INTS4: variants seen among roughly 807,000 people sequenced by gnomAD.
INTS4 encodes the protein MSTP093.
INTS4 carries 70 observed loss-of-function variants against 119.5 expected under a neutral mutation model. The ratio of observed to expected loss-of-function variants is 0.59; its 90% CI spans 0.48 to 0.71. The LOEUF (loss-of-function observed/expected upper bound fraction) is 0.71, where lower values mean the gene tolerates loss of function less well. Among genes scored for constraint, INTS4 ranks in the 30% least tolerant of loss-of-function variants. The pLI is 0.00. For missense variants in INTS4, 867 were observed against 1,173.2 expected, an observed-to-expected ratio of 0.74 and a Z score of 3.81; for synonymous variants, 316 against 419.6, an observed-to-expected ratio of 0.75 and a Z score of 3.02.
At chr11:77,982,249 C>T (rs1206035676) in intron 2 of INTS4, among the ~76,000 whole-genome samples, 1 of 151,560 alleles carries the variant, frequency 6.6e-6, no homozygotes, top group Middle Eastern at 3.2e-3. Flanking sequence ...GAACCTCCAA[C>T]CTCAGCCTCC....
In INTS4 at chr11:77,977,171, T is replaced by C. The variant is rs536415936; in HGVS notation, c.471+1825A>G. Among the ~76,000 whole-genome samples the C allele has an allele frequency of 3.9e-5, 6 of 152,288 alleles. No individual in the cohort carries two copies. The South Asian group carries it at 1.2e-3, about 32-fold the overall frequency. On this transcript the variant is annotated intron_variant, in intron 4 of 22. Coordinates refer to ENST00000534064, the MANE Select transcript of INTS4 (RefSeq NM_033547.4). ...TAATTTAGTAATTCTATTTTGATAG[T>C]CTGTGTTTCAGAAATAATTTTAAAT... is the stretch of plus-strand genomic sequence containing the variant.
intron 15 of INTS4, among the ~76,000 whole-genome samples, chr11:77,910,291 T>C (rs1239826493): frequency 2.0e-5 from 3 of 151,642 alleles, no homozygotes; most frequent in African/African-American, 4.9e-5. Flanking sequence ...ATGTCCTTTG[T>C]AGGGACATGG....
At chr11:77,923,070 A>T (rs1414922609) in intron 12 of INTS4, among the ~76,000 whole-genome samples, 1 of 152,202 alleles carries the variant, frequency 6.6e-6, no homozygotes, top group Non-Finnish European at 1.5e-5. Flanking sequence ...CTATAATCCC[A>T]ACACTTTGCG....
At chr11:77,876,305 A>C (rs1951592687), downstream of INTS4, among the ~76,000 whole-genome samples, 1 of 152,052 alleles carries the variant, frequency 6.6e-6, no homozygotes, top group Non-Finnish European at 1.5e-5. Context: ...TAGCTTCACC[A>C]CTAACTCAGT....
In INTS4 at chr11:77,921,322, C is replaced by A. The variant is rs1193544944; in HGVS notation, c.1764+18G>T. 3 of 1,609,474 alleles carry A rather than the reference C, an allele frequency of 1.9e-6. No homozygotes were observed. The highest frequency in any genetic ancestry group is 2.7e-5 in the African/African-American group (2 of 74,700). The stretch of plus-strand genomic sequence containing the variant: ...CCATGCAAAATAAAAACAAGGACAA[C>A]AGATGTTTTCAACATACCCTCAAGG... On this transcript the variant is annotated intron_variant, in intron 14 of 22. Coordinates refer to ENST00000534064, the MANE Select transcript of INTS4 (RefSeq NM_033547.4).
chr11:77,983,680 AG>A (rs1856332309), intron 2 of INTS4, among the ~76,000 whole-genome samples: 1 of 152,152 alleles, frequency 6.6e-6, no homozygotes, highest in African/African-American at 2.4e-5. Flanking sequence ...ACAGAAAACA[AG>A]TGTTGGCGAG....
At chr11:77,881,708 C>T (rs1178406740) in intron 22 of INTS4, among the ~76,000 whole-genome samples, 1 of 152,186 alleles carries the variant, frequency 6.6e-6, no homozygotes, top group African/African-American at 2.4e-5. Flanking sequence ...GCTACTAAAA[C>T]AATGGAGATA....
At chr11:77,959,368 A>G (rs532953399) in intron 6 of INTS4, among the ~76,000 whole-genome samples, 44 of 152,272 alleles carry the variant, frequency 2.9e-4, no homozygotes, top group African/African-American at 1.0e-3. Context: ...TGGATGTCCC[A>G]TCAAACTTTT....
chr11:77,962,449 T>C (rs1954498865), intron 4 of INTS4, among the ~76,000 whole-genome samples: 1 of 152,144 alleles, frequency 6.6e-6, no homozygotes, highest in African/African-American at 2.4e-5. Context: ...AAATTATCAG[T>C]TTTCCTCCTG....
chr11:77,972,418 CT>C (rs34698483), intron 4 of INTS4, among the ~76,000 whole-genome samples: 90,988 of 150,158 alleles, frequency 0.61, 27,885 homozygotes, highest in African/African-American at 0.69. Flanking sequence ...ACTCTCAATA[CT>C]TTTTTTTTTA....
chr11:77,981,190 C>CAAAAAAAA (rs35194381), intron 3 of INTS4, among the ~76,000 whole-genome samples: 2 of 88,858 alleles, frequency 2.3e-5, no homozygotes, highest in Non-Finnish European at 4.5e-5. Flanking sequence ...AACAAACAAG[C>CAAAAAAAA]AAAAAAAAAA....
At chr11:77,908,791 A>T (rs1231172460) in intron 15 of INTS4, among the ~76,000 whole-genome samples, 1 of 152,164 alleles carries the variant, frequency 6.6e-6, no homozygotes, top group East Asian at 1.9e-4. Flanking sequence ...TTATTTTCCG[A>T]GTTTTTAAGA....
At chr11:77,879,201 A>G in intron 22 of INTS4, 74 bp from the exon 23 acceptor site, 2 of 1,517,410 alleles carry the variant, frequency 1.3e-6, no homozygotes, top group Non-Finnish European at 1.8e-6. Context: ...GAAGTTAAAG[A>G]AATATCAAAA....
intron 22 of INTS4, among the ~76,000 whole-genome samples, chr11:77,879,910 T>C (rs1951727776): frequency 6.6e-6 from 1 of 152,192 alleles, no homozygotes; most frequent in Non-Finnish European, 1.5e-5. Flanking sequence ...TGCTACATTA[T>C]GAAAGAAAGA....
intron 11 of INTS4, among the ~76,000 whole-genome samples, chr11:77,926,494 G>C (rs1953503182): frequency 6.6e-6 from 1 of 152,084 alleles, no homozygotes; most frequent in African/African-American, 2.4e-5. Flanking sequence ...AGACACTGCT[G>C]CAAGACATTG....
chr11:77,928,385 G>T lies in INTS4; in HGVS notation c.1328C>A (p.Thr443Asn). 6.2e-7 allele frequency: 1 copy of T among 1,612,986 alleles called. No individual in the cohort carries two copies. The highest frequency in any genetic ancestry group is 8.5e-7 in the Non-Finnish European group (1 of 1,179,398). ...AGTGTCAAGCTGATCTTCTCGGAGG[G>T]TGATGTTGTTAGAGATTTTTCTCAT... ...HTMRKISNNI[T>N]LREDQLDTVL... is the part of the protein sequence containing the mutation. The change falls in exon 11 of 23, where the codon ACC (threonine) becomes AAC (asparagine). Residue 443 changes from threonine to asparagine, a missense_variant. By Grantham distance (65) the Thr-to-Asn change is moderately conservative. Coordinates refer to ENST00000534064, the MANE Select transcript of INTS4 (RefSeq NM_033547.4).
chr11:77,920,250 C>CAT (rs374626220), intron 14 of INTS4, among the ~76,000 whole-genome samples: 54,739 of 126,918 alleles, frequency 0.43, 10,843 homozygotes, highest in African/African-American at 0.49. Flanking sequence ...CATATATATA[C>CAT]ATATATACAT....
intron 17 of INTS4, among the ~76,000 whole-genome samples, chr11:77,902,797 C>T (rs558362857): frequency 6.6e-6 from 1 of 152,268 alleles, no homozygotes; most frequent in African/African-American, 2.4e-5. Flanking sequence ...GGGAATGACT[C>T]AAAGCTAAAA....
chr11:77,989,148 T>C (rs761357872), intron 2 of INTS4, among the ~76,000 whole-genome samples: 5 of 152,116 alleles, frequency 3.3e-5, no homozygotes, highest in Non-Finnish European at 5.9e-5. Flanking sequence ...TTTTAATAGA[T>C]ATGTAATGAA....
Sources: allele counts gnomAD v4.1 joint callset (sites outside exome capture counted in the v4.1 genomes callset), GRCh38; gene constraint gnomAD v4.1.1; transcripts MANE v1.5; gene names NCBI Gene and HGNC (gene_info 2026-07-23, HGNC 2026-07-21).